Variants in GARIN1B observed in about 807,000 individuals in gnomAD.
GARIN1B encodes the protein Golgi-associated RAB2 interactor protein 1B.
chr7:128,726,342 T>C, the GARIN1B span, among the ~76,000 whole-genome samples: 1 of 152,128 alleles, frequency 6.6e-6, no homozygotes, highest in African/African-American at 2.4e-5. Flanking sequence ...GAGGAAGGGA[T>C]TAGTTTTTGC....
chr7:128,711,372 G>A, the GARIN1B span, among the ~76,000 whole-genome samples: 1 of 152,086 alleles, frequency 6.6e-6, no homozygotes, highest in African/African-American at 2.4e-5. Context: ...AGGACGTGGT[G>A]TGGGACAACT....
chr7:128,717,614 T>C, the GARIN1B span, among the ~76,000 whole-genome samples: 1 of 151,538 alleles, frequency 6.6e-6, no homozygotes. Context: ...ACCTGGATAA[T>C]TTTTGTATTT....
the GARIN1B span, among the ~76,000 whole-genome samples, chr7:128,718,434 G>GAAA: frequency 0.059 from 6,999 of 117,814 alleles, 400 homozygotes; most frequent in African/African-American, 0.16. Flanking sequence ...CTTTGCCTCA[G>GAAA]AAAAAAAAAA....
the GARIN1B span, among the ~76,000 whole-genome samples, chr7:128,719,409 T>A: frequency 2.0e-5 from 3 of 151,452 alleles, no homozygotes; most frequent in Non-Finnish European, 2.9e-5. Context: ...CGTGTAACCA[T>A]CACCACAATC....
the GARIN1B span, chr7:128,713,949 A>C: frequency 6.6e-7 from 1 of 1,521,326 alleles, no homozygotes; most frequent in Non-Finnish European, 8.8e-7. Context: ...TGCAAACCAA[A>C]GGATGTGGTC....
At chr7:128,718,482 G>C in the GARIN1B span, among the ~76,000 whole-genome samples, 6 of 151,078 alleles carry the variant, frequency 4.0e-5, no homozygotes, top group Non-Finnish European at 7.4e-5. Context: ...GAAAGAAATT[G>C]TAAAATCCTA....
At chr7:128,730,863 T>C in the GARIN1B span, among the ~76,000 whole-genome samples, 1 of 152,172 alleles carries the variant, frequency 6.6e-6, no homozygotes, top group African/African-American at 2.4e-5. Flanking sequence ...GCCAGTCTTG[T>C]CTCGAACTCT....
At chr7:128,726,774 T>C in the GARIN1B span, 1 of 1,595,470 alleles carries the variant, frequency 6.3e-7, no homozygotes. Flanking sequence ...ACAAATTTAA[T>C]GTTCTTTTCC....
chr7:128,723,540 C>A, the GARIN1B span: 1 of 295,518 alleles, frequency 3.4e-6, no homozygotes, highest in Non-Finnish European at 6.4e-6. Context: ...TATACTGCCA[C>A]TCACTATCCA....
the GARIN1B span, chr7:128,717,086 A>G: frequency 6.7e-5 from 80 of 1,194,704 alleles, no homozygotes; most frequent in Non-Finnish European, 9.1e-5. Flanking sequence ...CAAGGAGAAG[A>G]TAGAGATGTC....
At chr7:128,725,847 A>G in the GARIN1B span, among the ~76,000 whole-genome samples, 1 of 152,214 alleles carries the variant, frequency 6.6e-6, no homozygotes, top group African/African-American at 2.4e-5. Context: ...GGAGAAGGCA[A>G]AAAGGGTCAC....
chr7:128,729,949 C>T, the GARIN1B span: 320 of 1,614,166 alleles, frequency 2.0e-4, 1 homozygote, highest in Middle Eastern at 2.1e-3. Flanking sequence ...CTGTGACCTA[C>T]GTTGGAGGGC....
At chr7:128,731,359 G>A in the GARIN1B span, 3 of 578,842 alleles carry the variant, frequency 5.2e-6, no homozygotes, top group Non-Finnish European at 9.3e-6. Context: ...CTCTCAGAAT[G>A]GCCGGGCCCA....
At chr7:128,725,688 A>G in the GARIN1B span, among the ~76,000 whole-genome samples, 1 of 152,254 alleles carries the variant, frequency 6.6e-6, no homozygotes, top group South Asian at 2.1e-4. Flanking sequence ...CTGATTTTTA[A>G]ATTACTATTT....
the GARIN1B span, among the ~76,000 whole-genome samples, chr7:128,709,750 C>CTCTGTCTT: frequency 4.1e-3 from 473 of 114,626 alleles, 5 homozygotes; most frequent in Non-Finnish European, 5.3e-3. Flanking sequence ...CTCTCTCTCT[C>CTCTGTCTT]TTTTTTTTTT....
chr7:128,726,904 G>C, the GARIN1B span: 1 of 1,597,146 alleles, frequency 6.3e-7, no homozygotes, highest in South Asian at 1.1e-5. Context: ...ATGCCTCAAA[G>C]AGCTTTCTAC....
the GARIN1B span, among the ~76,000 whole-genome samples, chr7:128,712,241 G>A: frequency 0.11 from 16,229 of 152,152 alleles, 1,046 homozygotes; most frequent in South Asian, 0.18. Context: ...AGGACCTCTA[G>A]CAATTTTGTA....
chr7:128,716,864 G>C, the GARIN1B span: 2 of 1,613,730 alleles, frequency 1.2e-6, no homozygotes, highest in African/African-American at 2.7e-5. Flanking sequence ...CAACACCATG[G>C]CCCTGGGGGT....
the GARIN1B span, among the ~76,000 whole-genome samples, chr7:128,724,418 G>T: frequency 2.0e-5 from 3 of 152,164 alleles, no homozygotes; most frequent in Non-Finnish European, 2.9e-5. Flanking sequence ...CTCACCCAAG[G>T]TCTCTGCTTG....
Sources: gnomAD v4.1 joint callset for allele counts (sites outside exome capture counted in the v4.1 genomes callset) on GRCh38, gnomAD v4.1.1 for gene constraint, MANE v1.5 for transcripts, NCBI Gene and HGNC (gene_info 2026-07-23, HGNC 2026-07-21) for gene names.